TRPM3: variants seen among roughly 807,000 people sequenced by gnomAD.
The protein encoded by TRPM3 is long transient receptor potential channel 3.
Under a neutral mutation model 181.2 loss-of-function variants are expected in TRPM3, and 77 were observed. The ratio of observed to expected loss-of-function variants is 0.42; its 90% confidence interval spans 0.35 to 0.51. TRPM3 has a LOEUF of 0.51. Among genes scored for constraint, TRPM3 ranks in the 20% least tolerant of loss-of-function variants. The probability of loss-of-function intolerance (pLI) is 0.01; values close to 1 mark genes in which losing one functional copy is unlikely to be tolerated. For synonymous variants in TRPM3, 745 were observed against 796.4 expected, an observed-to-expected ratio of 0.94 and a Z score of 1.09; for missense variants, 1,759 against 2,196.7, an observed-to-expected ratio of 0.80 and a Z score of 3.98.
chr9:71,214,172 G>A (rs10117928), intron 1 of TRPM3, among the ~76,000 whole-genome samples: 65,183 of 151,846 alleles, frequency 0.43, 14,388 homozygotes, highest in East Asian at 0.52. Flanking sequence ...AACAAGGTCT[G>A]CCTCAAGCTG....
chr9:71,172,608 G>A (rs914723326), intron 1 of TRPM3, among the ~76,000 whole-genome samples: 3 of 152,026 alleles, frequency 2.0e-5, no homozygotes, highest in Non-Finnish European at 2.9e-5. Context: ...GTCTCACTCT[G>A]TTGCCTAGGC....
At chr9:71,409,207 G>A (rs1007641800) in intron 1 of TRPM3, among the ~76,000 whole-genome samples, 1 of 152,100 alleles carries the variant, frequency 6.6e-6, no homozygotes, top group Non-Finnish European at 1.5e-5. Context: ...CAACTACCGA[G>A]CAAAATAACC....
intron 1 of TRPM3, among the ~76,000 whole-genome samples, chr9:71,195,060 A>G (rs1255467834): frequency 6.6e-6 from 1 of 152,054 alleles, no homozygotes; most frequent in Non-Finnish European, 1.5e-5. Context: ...TAACCCTGAG[A>G]AACAACCTAA....
chr9:71,179,947 G>C (rs1315196804), intron 1 of TRPM3, among the ~76,000 whole-genome samples: 1 of 151,946 alleles, frequency 6.6e-6, no homozygotes, highest in African/African-American at 2.4e-5. Context: ...ATCACTGGAG[G>C]AAACTGCTTA....
chr9:71,413,819 G>T (rs1329561695), intron 1 of TRPM3, among the ~76,000 whole-genome samples: 1 of 151,172 alleles, frequency 6.6e-6, no homozygotes, highest in East Asian at 1.9e-4. Context: ...CTTTAATATT[G>T]GATTTCCCAG....
intron 12 of TRPM3, among the ~76,000 whole-genome samples, chr9:70,628,153 A>G (rs1388055949): frequency 6.6e-6 from 1 of 152,160 alleles, no homozygotes. Flanking sequence ...CTGTTAGGCG[A>G]GGCTGTTATT....
At chr9:70,593,764 G>T (rs889896637) in intron 21 of TRPM3, among the ~76,000 whole-genome samples, 1 of 150,892 alleles carries the variant, frequency 6.6e-6, no homozygotes, top group East Asian at 1.9e-4. Flanking sequence ...TTATCCAGTC[G>T]GTTCAATATT....
chr9:71,031,188 T>C (rs1344471983), intron 1 of TRPM3, among the ~76,000 whole-genome samples: 1 of 152,238 alleles, frequency 6.6e-6, no homozygotes, highest in Non-Finnish European at 1.5e-5. Flanking sequence ...TTAGGAAAGA[T>C]GTTCATTCAT....
chr9:71,339,147 T>C (rs2090779708), intron 1 of TRPM3, among the ~76,000 whole-genome samples: 1 of 152,056 alleles, frequency 6.6e-6, no homozygotes, highest in African/African-American at 2.4e-5. Context: ...CTTCAAACCC[T>C]TTATGAACAA....
intron 9 of TRPM3, among the ~76,000 whole-genome samples, chr9:70,668,132 C>A (rs1260511930): frequency 6.6e-6 from 1 of 152,154 alleles, no homozygotes; most frequent in African/African-American, 2.4e-5. Flanking sequence ...ACATGTCAAA[C>A]ATGGGGGTGG....
intron 1 of TRPM3, among the ~76,000 whole-genome samples, chr9:71,389,236 T>A (rs1476432512): frequency 6.6e-6 from 1 of 151,444 alleles, no homozygotes; most frequent in Admixed American, 6.6e-5. Context: ...AAATGCACAA[T>A]ATCACTAATG....
intron 22 of TRPM3, among the ~76,000 whole-genome samples, chr9:70,578,769 A>C (rs1192850724): frequency 6.6e-6 from 1 of 152,220 alleles, no homozygotes; most frequent in Non-Finnish European, 1.5e-5. Context: ...TTCAGAAGCA[A>C]TCAGGAGTTG....
At chr9:71,272,330 A>G (rs943869092) in intron 1 of TRPM3, among the ~76,000 whole-genome samples, 3 of 152,198 alleles carry the variant, frequency 2.0e-5, no homozygotes, top group Non-Finnish European at 2.9e-5. Context: ...AAAATGTTAA[A>G]CATTCAAAAT....
intron 1 of TRPM3, among the ~76,000 whole-genome samples, chr9:71,267,545 C>T (rs891346124): frequency 6.7e-6 from 1 of 149,368 alleles, no homozygotes; most frequent in Non-Finnish European, 1.5e-5. Flanking sequence ...TTGGAAGGCA[C>T]AAGGAGGCTA....
intron 8 of TRPM3, 79 bp from the exon 9 acceptor site, chr9:70,681,657 C>G (rs567908331): frequency 3.5e-6 from 4 of 1,151,392 alleles, no homozygotes; most frequent in Non-Finnish European, 5.3e-6. Flanking sequence ...CACATCTGAG[C>G]AGAGACTATC....
At chr9:71,163,541 T>C (rs538634467) in intron 1 of TRPM3, among the ~76,000 whole-genome samples, 6 of 152,250 alleles carry the variant, frequency 3.9e-5, no homozygotes, top group Admixed American at 1.3e-4. Flanking sequence ...GAGTTTGAAG[T>C]GCTTGTGAGA....
In TRPM3 at chr9:70,846,739, T is replaced by C. The variant is rs2094972409; in HGVS notation, c.463-148A>G. ...TTTTAAAAGGGGTGATCATTTGCTT[T>C]ATCAAAAGAGCCTTCATTAGACAGA... On this transcript the variant is annotated intron_variant, in intron 3 of 25. Coordinates refer to ENST00000677713, the MANE Select transcript of TRPM3 (RefSeq NM_001366145.2). 7.8e-5 allele frequency: 49 copies of C among 624,460 alleles called. 1 individual carries two copies. In the East Asian group the frequency reaches 1.3e-3, roughly 16 times the overall value. The allele number at this position is 624,460 out of a possible 1,614,324, so 38.7% of individuals were successfully genotyped here.
chr9:70,623,250 C>T (rs1171499547), intron 14 of TRPM3, among the ~76,000 whole-genome samples: 1 of 151,636 alleles, frequency 6.6e-6, no homozygotes, highest in Non-Finnish European at 1.5e-5. Flanking sequence ...CCTGTAATGC[C>T]GGCTACTCGG....
intron 1 of TRPM3, among the ~76,000 whole-genome samples, chr9:70,956,899 A>C (rs2097079642): frequency 6.6e-6 from 1 of 152,066 alleles, no homozygotes; most frequent in Non-Finnish European, 1.5e-5. Context: ...TGCCAAAAAA[A>C]AAATTTCTTC....
Sources: allele counts gnomAD v4.1 joint callset (sites outside exome capture counted in the v4.1 genomes callset), GRCh38; gene constraint gnomAD v4.1.1; transcripts MANE v1.5; gene names NCBI Gene and HGNC (gene_info 2026-07-23, HGNC 2026-07-21).